The following TMPRSS11D variants were observed in gnomAD, a reference collection of about 807,000 sequenced individuals.
TMPRSS11D encodes the protein transmembrane protease serine 11D.
Under a neutral mutation model 44.4 loss-of-function variants are expected in TMPRSS11D, and 32 were observed. That is an observed-to-expected ratio of 0.72 (90% CI 0.54 to 0.97). TMPRSS11D has a LOEUF of 0.97. Among genes scored for constraint, TMPRSS11D ranks in the 50% least tolerant of loss-of-function variants. The probability of loss-of-function intolerance (pLI) is 0.00; values close to 1 mark genes in which losing one functional copy is unlikely to be tolerated. For synonymous variants in TMPRSS11D, 179 were observed against 177.9 expected (o/e 1.01, Z -0.05); for missense variants, 446 against 502.6 (o/e 0.89, Z 1.08).
Position 67,883,936 on chromosome 4 carries a change from TA to T in TMPRSS11D, c.-4del. 1 of 1,602,186 alleles carries T rather than the reference TA, an allele frequency of 6.2e-7. No homozygotes were observed. Among genetic ancestry groups the T allele is most frequent in the South Asian group, 1.1e-5 (1 of 89,178 alleles). ...AAAAACAGGACTTACCTATACATTT[TA>T]ATCCTTAATGAAGAGGTTCTTTTTT... On this transcript the variant is annotated 5_prime_UTR_variant, in exon 1 of 10. Coordinates refer to ENST00000283916, the MANE Select transcript of TMPRSS11D (RefSeq NM_004262.3).
intron 1 of TMPRSS11D, among the ~76,000 whole-genome samples, chr4:67,867,893 A>G (rs1004196941): frequency 1.3e-5 from 2 of 152,228 alleles, no homozygotes; most frequent in South Asian, 2.1e-4. Flanking sequence ...TAAAACCTCT[A>G]TGAAAAACAA....
intron 1 of TMPRSS11D, 107 bp downstream of exon 1, chr4:67,883,819 A>T: frequency 1.3e-6 from 1 of 793,838 alleles, no homozygotes; most frequent in Non-Finnish European, 2.0e-6. Flanking sequence ...AGAAGTAACT[A>T]GAAGATTGCT....
At chr4:67,846,527 T>A (rs1718361031) in intron 3 of TMPRSS11D, among the ~76,000 whole-genome samples, 1 of 152,174 alleles carries the variant, frequency 6.6e-6, no homozygotes, top group African/African-American at 2.4e-5. Flanking sequence ...CCTGGCCCCA[T>A]GTGCATGAAG....
intron 1 of TMPRSS11D, among the ~76,000 whole-genome samples, chr4:67,879,642 G>A (rs1274759300): frequency 1.3e-5 from 2 of 152,038 alleles, no homozygotes; most frequent in Admixed American, 1.3e-4. Context: ...ATGGTCTCTG[G>A]TGGAGTGATT....
At chr4:67,827,238 A>AT (rs530661715) in intron 8 of TMPRSS11D, 23 bp downstream of exon 8, 243 of 1,557,632 alleles carry the variant, frequency 1.6e-4, no homozygotes, top group Admixed American at 3.8e-4. Flanking sequence ...TCTATTGTTA[A>AT]TTTTTTTTTC....
chr4:67,827,551 T>A, intron 7 of TMPRSS11D, 31 bp from the exon 8 acceptor site: 1 of 1,548,056 alleles, frequency 6.5e-7, no homozygotes. Flanking sequence ...GCTATATGAG[T>A]AGGGAATTTG....
intron 1 of TMPRSS11D, among the ~76,000 whole-genome samples, chr4:67,862,542 C>G (rs973527173): frequency 2.0e-5 from 3 of 152,122 alleles, no homozygotes; most frequent in African/African-American, 7.2e-5. Flanking sequence ...CCAGACCTCT[C>G]TCTTTGAACT....
chr4:67,865,632 G>T (rs575138487), intron 1 of TMPRSS11D, among the ~76,000 whole-genome samples: 134 of 151,638 alleles, frequency 8.8e-4, no homozygotes, highest in African/African-American at 3.1e-3. Context: ...AATCAGAAAT[G>T]AAAAAGGAAA....
At chr4:67,859,933 G>A (rs1718755559) in intron 1 of TMPRSS11D, among the ~76,000 whole-genome samples, 1 of 152,094 alleles carries the variant, frequency 6.6e-6, no homozygotes, top group African/African-American at 2.4e-5. Flanking sequence ...CTGACTTATG[G>A]TTTGGAGTTG....
chr4:67,850,052 G>A (rs1718463781), intron 3 of TMPRSS11D, among the ~76,000 whole-genome samples: 3 of 152,202 alleles, frequency 2.0e-5, no homozygotes, highest in South Asian at 4.1e-4. Context: ...TACATCAGAA[G>A]AATTTCATGG....
intron 1 of TMPRSS11D, among the ~76,000 whole-genome samples, chr4:67,874,264 A>G (rs1262799392): frequency 6.6e-6 from 1 of 151,984 alleles, no homozygotes; most frequent in Non-Finnish European, 1.5e-5. Flanking sequence ...CATTTCTCAG[A>G]ATGTTTCCCT....
intron 7 of TMPRSS11D, among the ~76,000 whole-genome samples, chr4:67,830,272 G>C (rs938906825): frequency 5.3e-5 from 8 of 152,010 alleles, no homozygotes; most frequent in African/African-American, 1.9e-4. Flanking sequence ...GAATATATTA[G>C]TATGAGGCAT....
At chr4:67,859,430 T>C in intron 2 of TMPRSS11D, 127 bp downstream of exon 2, 2 of 1,108,956 alleles carry the variant, frequency 1.8e-6, no homozygotes, top group South Asian at 1.9e-5. Context: ...GGAAGAATTA[T>C]AAGTAAGATA....
intron 3 of TMPRSS11D, among the ~76,000 whole-genome samples, chr4:67,843,062 T>C (rs915960973): frequency 1.3e-5 from 2 of 149,424 alleles, no homozygotes; most frequent in African/African-American, 4.9e-5. Flanking sequence ...TGAGTAGCAA[T>C]GGAAAACTTG....
At chr4:67,822,530 G>A (rs1717673446) in intron 9 of TMPRSS11D, 32 bp from the exon 10 acceptor site, 1 of 1,612,222 alleles carries the variant, frequency 6.2e-7, no homozygotes, top group Non-Finnish European at 8.5e-7. Flanking sequence ...GATTACTTAA[G>A]TGCAAAGACA....
At chr4:67,849,426 A>G (rs2109679474) in intron 3 of TMPRSS11D, among the ~76,000 whole-genome samples, 1 of 152,306 alleles carries the variant, frequency 6.6e-6, no homozygotes, top group Admixed American at 6.5e-5. Flanking sequence ...TCATCTAGAC[A>G]GAATGATAGT....
chr4:67,822,602 C>A, intron 9 of TMPRSS11D, 104 bp from the exon 10 acceptor site: 1 of 1,241,792 alleles, frequency 8.1e-7, no homozygotes, highest in East Asian at 2.4e-5. Context: ...ATTCATTATA[C>A]AAATAAAGTC....
chr4:67,850,406 C>T (rs184245554), intron 3 of TMPRSS11D, among the ~76,000 whole-genome samples: 14 of 151,742 alleles, frequency 9.2e-5, no homozygotes, highest in Admixed American at 4.6e-4. Context: ...TTGTTGCAGC[C>T]GCTCAAACAG....
At chr4:67,838,563 AT>A (rs1718158663) in intron 4 of TMPRSS11D, among the ~76,000 whole-genome samples, 2 of 152,108 alleles carry the variant, frequency 1.3e-5, no homozygotes, top group African/African-American at 4.8e-5. Flanking sequence ...TTTTGAAGTT[AT>A]AATGCCAGAG....
Sources: allele counts gnomAD v4.1 joint callset (sites outside exome capture counted in the v4.1 genomes callset), GRCh38; gene constraint gnomAD v4.1.1; transcripts MANE v1.5; gene names NCBI Gene and HGNC (gene_info 2026-07-23, HGNC 2026-07-21).